The following CALN1 variants were observed in gnomAD, a reference collection of about 807,000 sequenced individuals.
The protein encoded by CALN1 is calcium-binding protein 8.
Under a neutral mutation model 30.6 loss-of-function variants are expected in CALN1, and 17 were observed. The observed-to-expected ratio is 0.56, with a 90% CI of 0.38 to 0.83. The LOEUF (loss-of-function observed/expected upper bound fraction) is 0.83. Among genes scored for constraint, CALN1 ranks in the 40% least tolerant of loss-of-function variants. The probability of loss-of-function intolerance (pLI) is 0.00; values close to 1 mark genes in which losing one functional copy is unlikely to be tolerated. For synonymous variants in CALN1, 156 were observed against 131.4 expected (o/e 1.19, Z -1.28); for missense variants, 291 against 354.9 (o/e 0.82, Z 1.45).
chr7:72,336,416 C>A (rs1483234315), intron 2 of CALN1, among the ~76,000 whole-genome samples: 1 of 152,066 alleles, frequency 6.6e-6, no homozygotes, highest in Non-Finnish European at 1.5e-5. Context: ...GCCGGGACAG[C>A]CGAGTCCGCC....
At chr7:72,179,402 C>T (rs1014747126) in intron 3 of CALN1, among the ~76,000 whole-genome samples, 1 of 152,090 alleles carries the variant, frequency 6.6e-6, no homozygotes, top group African/African-American at 2.4e-5. Flanking sequence ...CCCCCAAAGA[C>T]CAAACAGGTT....
chr7:71,799,698 A>T (rs1388074377), intron 6 of CALN1, among the ~76,000 whole-genome samples: 1 of 151,806 alleles, frequency 6.6e-6, no homozygotes, highest in Non-Finnish European at 1.5e-5. Flanking sequence ...CTGGTCTCGA[A>T]CTCCTGACCT....
intron 1 of CALN1, among the ~76,000 whole-genome samples, chr7:72,420,122 T>C (rs1447682549): frequency 2.0e-5 from 3 of 152,180 alleles, no homozygotes; most frequent in Non-Finnish European, 4.4e-5. Context: ...GCCACTTCAG[T>C]TCCTGCCCAC....
chr7:72,356,632 TAATAA>T (rs1459732560), intron 2 of CALN1, among the ~76,000 whole-genome samples: 4 of 152,018 alleles, frequency 2.6e-5, no homozygotes, highest in East Asian at 3.8e-4. Flanking sequence ...TGGATACACC[TAATAA>T]TATAGGCTCA....
At chr7:71,823,440 C>T (rs1227064517) in intron 5 of CALN1, among the ~76,000 whole-genome samples, 2 of 152,198 alleles carry the variant, frequency 1.3e-5, no homozygotes, top group African/African-American at 2.4e-5. Flanking sequence ...GAGGCTTGGG[C>T]CGGGAGCGGT....
intron 6 of CALN1, among the ~76,000 whole-genome samples, chr7:71,792,526 C>T (rs944840874): frequency 2.6e-5 from 4 of 152,156 alleles, no homozygotes; most frequent in African/African-American, 9.7e-5. Flanking sequence ...CAGAATCTTA[C>T]AAGTTCTTAC....
At chr7:71,823,938 G>T (rs1309275917) in intron 5 of CALN1, among the ~76,000 whole-genome samples, 1 of 152,078 alleles carries the variant, frequency 6.6e-6, no homozygotes, top group Non-Finnish European at 1.5e-5. Context: ...GATCGCGTGA[G>T]ACTTACTCAC....
chr7:71,964,387 C>T (rs759343557), intron 5 of CALN1, among the ~76,000 whole-genome samples: 7 of 152,178 alleles, frequency 4.6e-5, no homozygotes, highest in Non-Finnish European at 8.8e-5. Flanking sequence ...GCTTTGCCGT[C>T]TGCAGACAGC....
intron 2 of CALN1, among the ~76,000 whole-genome samples, chr7:72,306,189 T>G (rs1799637170): frequency 6.6e-6 from 1 of 152,174 alleles, no homozygotes; most frequent in Non-Finnish European, 1.5e-5. Context: ...AAAACATGTT[T>G]CTTTGCCATA....
intron 5 of CALN1, among the ~76,000 whole-genome samples, chr7:71,951,397 C>G (rs1205091691): frequency 6.6e-6 from 1 of 152,138 alleles, no homozygotes; most frequent in Non-Finnish European, 1.5e-5. Flanking sequence ...TCAAGACTAG[C>G]CTGGCCAACA....
chr7:72,102,723 G>A (rs1413220150), intron 4 of CALN1, among the ~76,000 whole-genome samples: 1 of 152,196 alleles, frequency 6.6e-6, no homozygotes, highest in African/African-American at 2.4e-5. Context: ...ACAGAAAATA[G>A]AGAAGTGCTT....
At chr7:72,340,431 T>C (rs968829622) in intron 2 of CALN1, among the ~76,000 whole-genome samples, 10 of 152,052 alleles carry the variant, frequency 6.6e-5, no homozygotes, top group African/African-American at 1.7e-4. Flanking sequence ...CTTTCATGGA[T>C]TGATTTATGG....
rs1271512146 is a variant in CALN1, at chr7:72,403,294, C to T, written c.76G>A (p.Gly26Arg). 6.4e-7 allele frequency: 1 copy of T among 1,550,584 alleles called. No individual in the cohort carries two copies. Among genetic ancestry groups the T allele is most frequent in the African/African-American group, 1.4e-5 (1 of 73,232 alleles). Reference protein sequence around the residue: ...KKGDGGALGGGEEPPRSQAPD... With the variant: ...KKGDGGALGGREEPPRSQAPD... ...GCCTGGCTCCTCGGCGGCTCCTCTC[C>T]CCCTCCGAGGGCTCCTCCGTCCCCC... The change falls in exon 2 of 7, where the codon GGA becomes AGA. Residue 26 changes from glycine (G) to arginine (R), a missense_variant. Physicochemically the swap from Gly to Arg is moderately radical, Grantham distance 125 (BLOSUM62 -2). Around this residue, in one of 2 missense-constraint regions of CALN1, gnomAD observed 122 missense variants for 103.2 expected, o/e 1.18. Coordinates refer to ENST00000395275, the MANE Select transcript of CALN1 (RefSeq NM_031468.4).
chr7:71,808,372 CATT>C (rs904591409), intron 6 of CALN1, among the ~76,000 whole-genome samples: 34 of 151,224 alleles, frequency 2.2e-4, no homozygotes, highest in African/African-American at 7.0e-4. Context: ...TATTAATAAA[CATT>C]AATAATTATT....
chr7:72,027,554 TAC>T (rs1272469162), intron 4 of CALN1, among the ~76,000 whole-genome samples: 1 of 150,422 alleles, frequency 6.6e-6, no homozygotes, highest in Non-Finnish European at 1.5e-5. Context: ...CTACTAAAAA[TAC>T]AAAAATTAGC....
chr7:72,096,365 C>G (rs1210088128), intron 4 of CALN1, among the ~76,000 whole-genome samples: 1 of 152,220 alleles, frequency 6.6e-6, no homozygotes, highest in Non-Finnish European at 1.5e-5. Flanking sequence ...GTATCTTCCA[C>G]TCAGACCTTC....
chr7:71,889,377 G>A (rs1363565024), intron 5 of CALN1, among the ~76,000 whole-genome samples: 1 of 151,968 alleles, frequency 6.6e-6, no homozygotes, highest in Non-Finnish European at 1.5e-5. Flanking sequence ...GTACATGCAA[G>A]GTAAAAACTT....
intron 5 of CALN1, among the ~76,000 whole-genome samples, chr7:71,848,634 C>A (rs1189075837): frequency 6.6e-6 from 1 of 152,020 alleles, no homozygotes; most frequent in African/African-American, 2.4e-5. Flanking sequence ...CACATACACA[C>A]ACATAATATT....
chr7:72,370,518 G>C (rs1804168859), intron 2 of CALN1, among the ~76,000 whole-genome samples: 2 of 152,086 alleles, frequency 1.3e-5, no homozygotes, highest in Admixed American at 1.3e-4. Flanking sequence ...GCCAGCTGTG[G>C]TGGCACATGC....
Sources: gnomAD v4.1 joint callset for allele counts (sites outside exome capture counted in the v4.1 genomes callset) on GRCh38, gnomAD v4.1.1 for gene constraint, gnomAD v4.1.1 regional missense constraint, MANE v1.5 for transcripts, NCBI Gene and HGNC (gene_info 2026-07-23, HGNC 2026-07-21) for gene names.